HTR1F: variants seen among roughly 807,000 people sequenced by gnomAD.
HTR1F encodes the protein 5-hydroxytryptamine (serotonin) receptor 1F, G protein-coupled.
In HTR1F, 17 loss-of-function variants were observed where a neutral mutation model predicts 24.0. The observed-to-expected ratio is 0.71, with a 90% CI of 0.48 to 1.06. The LOEUF is 1.06. HTR1F is among the 50% of genes least tolerant of loss of function. The pLI is 0.00. For synonymous variants in HTR1F, 186 were observed against 156.8 expected, an observed-to-expected ratio of 1.19 and a Z score of -1.39; for missense variants, 391 against 427.8, an observed-to-expected ratio of 0.91 and a Z score of 0.76.
At chr3:87,988,050 C>A (rs1503433) in intron 2 of HTR1F, among the ~76,000 whole-genome samples, 90,233 of 151,040 alleles carry the variant, frequency 0.6, 27,201 homozygotes, top group South Asian at 0.73. Flanking sequence ...ATGCCCAGAA[C>A]CCTAACTCCC....
intron 1 of HTR1F, among the ~76,000 whole-genome samples, chr3:87,808,620 T>G (rs576706296): frequency 1.3e-5 from 2 of 152,054 alleles, no homozygotes; most frequent in East Asian, 3.9e-4. Context: ...TTAATTCTGC[T>G]CTGATCTTTA....
Position 87,991,590 on chromosome 3 carries a change from C to G in HTR1F, c.841C>G (p.Gln281Glu), listed in dbSNP as rs762138823. 1 of 1,613,982 alleles carries G rather than the reference C, an allele frequency of 6.2e-7. No individual in the cohort carries two copies. The highest frequency in any genetic ancestry group is 8.5e-7 in the Non-Finnish European group (1 of 1,179,976). The part of the protein sequence containing the change: ...EFKHEKSWRR[Q>E]KISGTRERKA... ...CAAGCATGAGAAATCTTGGAGAAGG[C>G]AAAAGATCTCAGGTACAAGAGAACG... Residue 281 changes from glutamine (Q) to glutamate (E), a missense_variant, in exon 3 of 3, where the codon CAA becomes GAA. By Grantham distance (29) the Gln-to-Glu change is conservative. Transcript: ENST00000319595.
intron 2 of HTR1F, among the ~76,000 whole-genome samples, chr3:87,985,363 G>A (rs547676987): frequency 2.0e-5 from 3 of 151,660 alleles, no homozygotes; most frequent in Non-Finnish European, 4.4e-5. Flanking sequence ...AGAAAAAGTA[G>A]TTACTTGATA....
At chr3:87,832,489 G>A (rs1021952658) in intron 2 of HTR1F, among the ~76,000 whole-genome samples, 11 of 151,858 alleles carry the variant, frequency 7.2e-5, no homozygotes, top group African/African-American at 2.4e-4. Flanking sequence ...CGCCACACCC[G>A]GCTAATTTTT....
chr3:87,870,795 T>C (rs12486894), intron 2 of HTR1F, among the ~76,000 whole-genome samples: 18,108 of 151,912 alleles, frequency 0.12, 1,368 homozygotes, highest in African/African-American at 0.21. Flanking sequence ...TATTACAAGA[T>C]TCTGAAAAAG....
chr3:87,932,844 C>T (rs1181978359), intron 2 of HTR1F, among the ~76,000 whole-genome samples: 2 of 151,762 alleles, frequency 1.3e-5, no homozygotes, highest in South Asian at 2.1e-4. Context: ...TCCTCCCTAA[C>T]TCATTTTATG....
At chr3:87,916,741 C>A (rs1576026480) in intron 2 of HTR1F, among the ~76,000 whole-genome samples, 1 of 152,000 alleles carries the variant, frequency 6.6e-6, no homozygotes, top group Non-Finnish European at 1.5e-5. Context: ...TACTAATAGA[C>A]CTAAGCAATG....
rs529563088 is a variant in HTR1F, at chr3:87,932,812, C to T, written c.-42-57896C>T. Among the ~76,000 whole-genome samples the T allele has an allele frequency of 9.2e-5, 14 of 151,978 alleles. No homozygotes were observed. The South Asian group carries it at 2.9e-3, about 32-fold the overall frequency. ...GGTACCATTCCTTCTAAAGCTATTC[C>T]AATCAATAGAAAAAGAGGGAATCCT... is the stretch of plus-strand genomic sequence containing the variant. On this transcript the variant is annotated intron_variant, in intron 2 of 2. Coordinates refer to ENST00000319595, the MANE Select transcript of HTR1F (RefSeq NM_001322209.2).
intron 1 of HTR1F, among the ~76,000 whole-genome samples, chr3:87,795,614 A>G (rs1347097771): frequency 2.6e-5 from 4 of 152,150 alleles, no homozygotes; most frequent in Non-Finnish European, 5.9e-5. Flanking sequence ...AGAAACCCCT[A>G]GGGAAACATA....
intron 2 of HTR1F, among the ~76,000 whole-genome samples, chr3:87,833,672 G>C (rs1163377295): frequency 6.6e-6 from 1 of 152,016 alleles, no homozygotes; most frequent in Non-Finnish European, 1.5e-5. Flanking sequence ...TTTATGTAGA[G>C]CTAGGGTTTC....
intron 2 of HTR1F, among the ~76,000 whole-genome samples, chr3:87,919,429 A>C (rs932953176): frequency 6.6e-6 from 1 of 152,184 alleles, no homozygotes; most frequent in African/African-American, 2.4e-5. Context: ...CAGCAGAGTT[A>C]ACAGACAACC....
chr3:87,950,413 T>C (rs1704806788), intron 2 of HTR1F, among the ~76,000 whole-genome samples: 1 of 152,210 alleles, frequency 6.6e-6, no homozygotes, highest in Non-Finnish European at 1.5e-5. Flanking sequence ...AATCTGGTAC[T>C]CTAAAACCAT....
intron 2 of HTR1F, among the ~76,000 whole-genome samples, chr3:87,939,805 C>A (rs11128011): frequency 0.44 from 66,493 of 151,948 alleles, 15,544 homozygotes; most frequent in African/African-American, 0.61. Flanking sequence ...AATCTTTTCA[C>A]AAAACCAGCT....
chr3:87,949,067 C>T (rs1301374954), intron 2 of HTR1F, among the ~76,000 whole-genome samples: 1 of 151,982 alleles, frequency 6.6e-6, no homozygotes, highest in African/African-American at 2.4e-5. Context: ...TTGGAAATGA[C>T]TGTTTAAAAA....
At chr3:87,811,049 C>A (rs1357786404) in intron 1 of HTR1F, among the ~76,000 whole-genome samples, 2 of 152,248 alleles carry the variant, frequency 1.3e-5, no homozygotes, top group African/African-American at 4.8e-5. Flanking sequence ...AGTAAGTAAT[C>A]CTGATTTCAG....
At chr3:87,989,266 G>A (rs539840394) in intron 2 of HTR1F, among the ~76,000 whole-genome samples, 1 of 152,252 alleles carries the variant, frequency 6.6e-6, no homozygotes, top group East Asian at 1.9e-4. Flanking sequence ...TTTTTCAGAA[G>A]CAAGGTAACC....
At chr3:87,959,170 T>C (rs1237000612) in intron 2 of HTR1F, among the ~76,000 whole-genome samples, 3 of 151,926 alleles carry the variant, frequency 2.0e-5, no homozygotes, top group Middle Eastern at 3.4e-3. Context: ...TAGCATATAA[T>C]GGTTAGTACC....
chr3:87,943,022 G>A (rs1704608147), intron 2 of HTR1F, among the ~76,000 whole-genome samples: 1 of 152,138 alleles, frequency 6.6e-6, no homozygotes. Context: ...GTGTTATAGT[G>A]GACATCATTG....
At chr3:87,881,538 C>A (rs144863489) in intron 2 of HTR1F, among the ~76,000 whole-genome samples, 1 of 152,104 alleles carries the variant, frequency 6.6e-6, no homozygotes, top group African/African-American at 2.4e-5. Flanking sequence ...CAGAACAGAG[C>A]CCTCAGAAAT....
Sources: gnomAD v4.1 joint callset for allele counts (sites outside exome capture counted in the v4.1 genomes callset) on GRCh38, gnomAD v4.1.1 for gene constraint, MANE v1.5 for transcripts, NCBI Gene and HGNC (gene_info 2026-07-23, HGNC 2026-07-21) for gene names.